The following KIF13A variants were observed in gnomAD, a reference collection of about 807,000 sequenced individuals.
The protein encoded by KIF13A is kinesin family member 13A.
KIF13A carries 79 observed loss-of-function variants against 212.2 expected under a neutral mutation model. That is an observed-to-expected ratio of 0.37 (90% CI 0.31 to 0.45). The LOEUF (loss-of-function observed/expected upper bound fraction) is 0.45, where lower values mean the gene tolerates loss of function less well. Ranked by LOEUF, KIF13A falls within the 20% of genes least tolerant of loss-of-function variation. The probability of loss-of-function intolerance (pLI) is 1.00; values close to 1 mark genes in which losing one functional copy is unlikely to be tolerated. For missense variants in KIF13A, 1,901 were observed against 2,209.0 expected (o/e 0.86, Z 2.79); for synonymous variants, 789 against 808.6 (o/e 0.98, Z 0.41).
Position 17,805,598 on chromosome 6 carries a change from A to C in KIF13A, c.2181T>G (p.Ser727Arg), listed in dbSNP as rs1358726104. 3 of 1,608,384 alleles carry C rather than the reference A, an allele frequency of 1.9e-6. No individual in the cohort carries two copies. The highest frequency in any genetic ancestry group is 2.5e-6 in the Non-Finnish European group (3 of 1,176,790). Residue 727 changes from serine to arginine, a missense_variant, in exon 19 of 39, where the codon AGT (serine) becomes AGG (arginine). Ser to Arg is a moderately radical substitution (Grantham distance 110). Transcript: ENST00000259711. ...SANRKRGAIVSEPAIQVRRKG... is the reference protein window; with the variant it reads ...SANRKRGAIVREPAIQVRRKG... Reference sequence around the variant, plus strand: ...TCCTCCTCACTTGGATAGCTGGTTCACTCACTATTGCACCTCTCTGCATAA... The same window carrying C: ...TCCTCCTCACTTGGATAGCTGGTTCCCTCACTATTGCACCTCTCTGCATAA...
rs1774458493 is a variant in KIF13A at position 17,915,943 on chromosome 6, A to AT, written c.147-17764_147-17763insA. Among the ~76,000 whole-genome samples, 2 of 132,264 alleles carry AT rather than the reference A, an allele frequency of 1.5e-5. No homozygotes were observed. Among genetic ancestry groups the AT allele is most frequent in the African/African-American group, 5.8e-5 (2 of 34,472 alleles). 86.8% of individuals were successfully genotyped at this position (132,264 alleles called of 152,430 possible). A position where few individuals can be genotyped will look rare whatever the true frequency, so the allele number is the denominator to read the frequency against. On this transcript the variant is annotated intron_variant, in intron 2 of 38. Coordinates refer to ENST00000259711, the MANE Select transcript of KIF13A (RefSeq NM_022113.6). This position sits in a 1 kb window ranked among gnomAD's most constrained non-coding sequence, Gnocchi z 4.4. ...GTGACAGAGAGCCAGTCTCAAAAAA[A>AT]AAAATAAAAATAAAAATAAAATAAA...
chr6:17,856,208 C>CA lies in KIF13A; in HGVS notation c.221-87dup. ...TGTTAGTAACAATATTATGTCAATT[C>CA]AAAAAAATGTTAAAAGTGTAGTACC... On this transcript the variant is annotated intron_variant, in intron 4 of 38. Transcript: ENST00000259711. The surrounding 1 kb of genome is among the most constrained non-coding windows in gnomAD (Gnocchi z 4.5). 1.1e-6 allele frequency: 1 copy of CA among 938,870 alleles called. No individual in the cohort carries two copies. The highest frequency in any genetic ancestry group is 1.6e-6 in the Non-Finnish European group (1 of 606,556). 58.2% of individuals were successfully genotyped at this position (938,870 alleles called of 1,614,324 possible). A position where few individuals can be genotyped will look rare whatever the true frequency, so the allele number is the denominator to read the frequency against.
rs1759568969 is a variant in KIF13A, at chr6:17,772,370, C to T, written c.4325-311G>A. 6.6e-6 allele frequency among the ~76,000 whole-genome samples: 1 copy of T among 152,070 alleles called. No individual in the cohort carries two copies. The highest frequency in any genetic ancestry group is 2.4e-5 in the African/African-American group (1 of 41,402). Reference sequence around the variant, plus strand: ...GCTGCAGTGAGTTATAATGGTGCCACTGCACTCCAGCCCGGGCAAGAGAGA... The same window carrying T: ...GCTGCAGTGAGTTATAATGGTGCCATTGCACTCCAGCCCGGGCAAGAGAGA... On this transcript the variant is annotated intron_variant, in intron 36 of 38. Transcript: ENST00000259711. The surrounding 1 kb of genome is among the most constrained non-coding windows in gnomAD (Gnocchi z 4.8).
At position 17,912,755 on chromosome 6, in the gene KIF13A, T is replaced by G. The variant is rs1774186163; in HGVS notation, c.147-14575A>C. Reference sequence around the variant, plus strand: ...ATAAACACATCCTCCCAGTAATGATTTGGAAGCACTGAGAAAAGGTTACTT... The same window carrying G: ...ATAAACACATCCTCCCAGTAATGATGTGGAAGCACTGAGAAAAGGTTACTT... On this transcript the variant is annotated intron_variant, in intron 2 of 38. Coordinates refer to ENST00000259711, the MANE Select transcript of KIF13A (RefSeq NM_022113.6). The surrounding 1 kb of genome is among the most constrained non-coding windows in gnomAD (Gnocchi z 4.2). Among the ~76,000 whole-genome samples, 1 of 152,184 alleles carries G rather than the reference T, an allele frequency of 6.6e-6. No homozygotes were observed. Among genetic ancestry groups the G allele is most frequent in the South Asian group, 2.1e-4 (1 of 4,834 alleles).
intron 4 of KIF13A, among the ~76,000 whole-genome samples, chr6:17,868,019 A>G (rs941795670): frequency 2.0e-5 from 3 of 152,204 alleles, no homozygotes; most frequent in Non-Finnish European, 2.9e-5. Context: ...TGCTAGCAGA[A>G]TAAGAGGCAG....
chr6:17,858,579 G>C (rs1768390089), intron 4 of KIF13A, among the ~76,000 whole-genome samples: 1 of 152,066 alleles, frequency 6.6e-6, no homozygotes, highest in Non-Finnish European at 1.5e-5. Context: ...ATGTTCCCAA[G>C]CCCCTTGCTA....
In KIF13A at chr6:17,849,568, T is replaced by C. The variant is rs77889940; in HGVS notation, c.718-79A>G. On this transcript the variant is annotated intron_variant, in intron 8 of 38. Transcript: ENST00000259711. The surrounding 1 kb of genome is among the most constrained non-coding windows in gnomAD (Gnocchi z 5.7). ...GATATCTACATATATGTTAGCACTA[T>C]AATTGAGCAATCCATCCCACTCTCA... is the stretch of plus-strand genomic sequence containing the variant. 2.6e-3 allele frequency: 2,585 copies of C among 990,562 alleles called. 77 individuals carry two copies. In the East Asian group the frequency reaches 0.058, roughly 22 times the overall value. The allele number at this position is 990,562 out of a possible 1,614,324, so 61.4% of individuals were successfully genotyped here. A position where few individuals can be genotyped will look rare whatever the true frequency, so the allele number is the denominator to read the frequency against.
rs1561842838 is a variant in KIF13A, at chr6:17,987,219, G to A, written c.56-75C>T. 9.2e-6 allele frequency: 12 copies of A among 1,304,734 alleles called. No individual in the cohort carries two copies. The highest frequency in any genetic ancestry group is 1.2e-5 in the Non-Finnish European group (11 of 941,106). The allele number at this position is 1,304,734 out of a possible 1,614,324, so 80.8% of individuals were successfully genotyped here. ...AGCCCGCCCGCCCGCCAGCCGCGCCGAGCGGGGCTCCGTCCCTGGAGGCGG... is the reference window on the plus strand; with the variant it reads ...AGCCCGCCCGCCCGCCAGCCGCGCCAAGCGGGGCTCCGTCCCTGGAGGCGG... On this transcript the variant is annotated intron_variant, in intron 1 of 38. Transcript: ENST00000259711. The surrounding 1 kb of genome is among the most constrained non-coding windows in gnomAD (Gnocchi z 7.7).
chr6:17,885,623 G>C (rs757471935), intron 3 of KIF13A, among the ~76,000 whole-genome samples: 21 of 152,186 alleles, frequency 1.4e-4, no homozygotes, highest in Non-Finnish European at 8.8e-5. Context: ...TTCTATGGAT[G>C]CAAGGAGAAG....
At chr6:17,862,828 G>A (rs1768947781) in intron 4 of KIF13A, among the ~76,000 whole-genome samples, 4 of 151,978 alleles carry the variant, frequency 2.6e-5, no homozygotes, top group Non-Finnish European at 4.4e-5. Context: ...GGTGCCTGTA[G>A]TCCCAGCTAC....
intron 6 of KIF13A, among the ~76,000 whole-genome samples, chr6:17,853,049 T>C (rs71556144): frequency 6.6e-6 from 1 of 152,178 alleles, no homozygotes; most frequent in Non-Finnish European, 1.5e-5. Flanking sequence ...ATATTAATCA[T>C]CTTTCAAATT....
chr6:17,886,712 A>T lies in KIF13A; in HGVS notation c.159+11456T>A, dbSNP rs1231958250. Among the ~76,000 whole-genome samples the T allele has an allele frequency of 1.3e-5, 2 of 152,018 alleles. No homozygotes were observed. Among genetic ancestry groups the T allele is most frequent in the Non-Finnish European group, 2.9e-5 (2 of 67,998 alleles). ...GAATTTCAAGATAGAAACACACAGCACTTCACTTGAACCCGGGAGGTGGAG... is the reference window on the plus strand; with the variant it reads ...GAATTTCAAGATAGAAACACACAGCTCTTCACTTGAACCCGGGAGGTGGAG... On this transcript the variant is annotated intron_variant, in intron 3 of 38. Coordinates refer to ENST00000259711, the MANE Select transcript of KIF13A (RefSeq NM_022113.6). This position sits in a 1 kb window ranked among gnomAD's most constrained non-coding sequence, Gnocchi z 5.6.
In KIF13A at chr6:17,817,173, G is replaced by C; in HGVS notation, c.1847C>G (p.Ala616Gly). 1 of 1,614,026 alleles carries C rather than the reference G, an allele frequency of 6.2e-7. No individual in the cohort carries two copies. Among genetic ancestry groups the C allele is most frequent in the Non-Finnish European group, 8.5e-7 (1 of 1,179,898 alleles). Residue 616 changes from alanine to glycine, a missense_variant, in exon 17 of 39, where the codon GCC becomes GGC. Physicochemically the swap from Ala to Gly is moderately conservative, Grantham distance 60. Around this residue, in one of 5 missense-constraint regions of KIF13A, gnomAD observed 534 missense variants for 536.9 expected, o/e 0.99. Coordinates refer to ENST00000259711, the MANE Select transcript of KIF13A (RefSeq NM_022113.6). Reference protein sequence around the residue: ...EKQYLEEKRSALEEQRLMYER... With the variant: ...EKQYLEEKRSGLEEQRLMYER... ...ATACATGAGCCGCTGCTCCTCTAGG[G>C]CACTTCTCTTTTCTTCTAGGTATTG...
chr6:17,912,437 A>G lies in KIF13A; in HGVS notation c.147-14257T>C, dbSNP rs917440119. On this transcript the variant is annotated intron_variant, in intron 2 of 38. Transcript: ENST00000259711. This position sits in a 1 kb window ranked among gnomAD's most constrained non-coding sequence, Gnocchi z 4.2. ...GCCTGCCTGACCTTCCGTAGGACGC[A>G]GGTTTGAATCAGACACCTATACTTC... Among the ~76,000 whole-genome samples, 2 of 152,218 alleles carry G rather than the reference A, an allele frequency of 1.3e-5. No homozygotes were observed. Among genetic ancestry groups the G allele is most frequent in the African/African-American group, 4.8e-5 (2 of 41,460 alleles).
intron 2 of KIF13A, among the ~76,000 whole-genome samples, chr6:17,905,807 C>A (rs1773446684): frequency 6.6e-6 from 1 of 152,160 alleles, no homozygotes; most frequent in Non-Finnish European, 1.5e-5. Context: ...GTTCTGTTGC[C>A]AAGCTCAGCA....
At chr6:17,869,019 A>AAACAAAAAAAAAAAAAAAAAAAAAAAAAC (rs1554187445) in intron 4 of KIF13A, among the ~76,000 whole-genome samples, 1 of 126,514 alleles carries the variant, frequency 7.9e-6, no homozygotes, top group Non-Finnish European at 1.7e-5. Flanking sequence ...AAAAAAAAAA[A>AAACAAAAAAAAAAAAAAAAAAAAAAAAAC]ACACAAATAA....
rs1761344898 is a variant in KIF13A, at chr6:17,789,450, T to C, written c.3261+422A>G. The stretch of plus-strand genomic sequence containing the variant: ...GTAAGGAGCAGAATGCACTTTAGCA[T>C]GGGAAAGATAAGAGTCTATCTAAAA... On this transcript the variant is annotated intron_variant, in intron 26 of 38. Transcript: ENST00000259711. The surrounding 1 kb of genome is among the most constrained non-coding windows in gnomAD (Gnocchi z 4.8). Among the ~76,000 whole-genome samples the C allele has an allele frequency of 6.6e-6, 1 of 152,184 alleles. No homozygotes were observed. Among genetic ancestry groups the C allele is most frequent in the South Asian group, 2.1e-4 (1 of 4,830 alleles).
intron 38 of KIF13A, 72 bp from the exon 39 acceptor site, chr6:17,765,018 C>T (rs1581840948): frequency 8.3e-7 from 1 of 1,209,154 alleles, no homozygotes; most frequent in East Asian, 2.5e-5. Flanking sequence ...GTTTTAAATA[C>T]TTGGCTGTTA....
intron 9 of KIF13A, among the ~76,000 whole-genome samples, chr6:17,848,174 T>C (rs541286532): frequency 2.0e-5 from 3 of 152,198 alleles, no homozygotes; most frequent in South Asian, 4.1e-4. Flanking sequence ...GATATTTTGA[T>C]ACATGTATAC....
Sources: gnomAD v4.1 joint callset for allele counts (sites outside exome capture counted in the v4.1 genomes callset) on GRCh38, gnomAD v4.1.1 for gene constraint, gnomAD v4.1.1 regional missense constraint, Gnocchi (gnomAD v3.1) non-coding constraint, MANE v1.5 for transcripts, NCBI Gene and HGNC (gene_info 2026-07-23, HGNC 2026-07-21) for gene names.